CEP41: variants seen among roughly 807,000 people sequenced by gnomAD.
The protein encoded by CEP41 is centrosomal protein 41.
In CEP41, 32 loss-of-function variants were observed where a neutral mutation model predicts 44.3. The ratio of observed to expected loss-of-function variants is 0.72; its 90% CI spans 0.54 to 0.97. CEP41 has a LOEUF of 0.97. Ranked by LOEUF, CEP41 falls within the 50% of genes least tolerant of loss-of-function variation. The probability of loss-of-function intolerance (pLI) is 0.00; values close to 1 mark genes in which losing one functional copy is unlikely to be tolerated. For missense variants in CEP41, 432 were observed against 455.2 expected, an observed-to-expected ratio of 0.95 and a Z score of 0.46; for synonymous variants, 151 against 168.5, an observed-to-expected ratio of 0.90 and a Z score of 0.80.
At chr7:130,399,082 T>C in intron 10 of CEP41, 43 bp from the exon 11 acceptor site, 1 of 1,609,462 alleles carries the variant, frequency 6.2e-7, no homozygotes, top group South Asian at 1.1e-5. Flanking sequence ...CAAGAATGAT[T>C]CCAGGGACAA....
chr7:130,437,789 GA>G (rs1798019022), intron 1 of CEP41, among the ~76,000 whole-genome samples: 1 of 115,422 alleles, frequency 8.7e-6, no homozygotes, highest in South Asian at 2.8e-4. Context: ...AAAAAAAAAA[GA>G]AAAAGAAAAA....
At chr7:130,399,553 C>T in intron 10 of CEP41, 1 of 216,460 alleles carries the variant, frequency 4.6e-6, no homozygotes, top group Non-Finnish European at 9.3e-6. Flanking sequence ...CGTGGTGGCT[C>T]ATGCCTGTAA....
At position 130,400,025 on chromosome 7, in the gene CEP41, T is replaced by A. The variant is rs923663395; in HGVS notation, c.973+14A>T. On this transcript the variant is annotated intron_variant, in intron 10 of 10. Transcript: ENST00000223208. Reference sequence around the variant, plus strand: ...GCAAACCAAACATTATCTTTAAAGGTCAAAAGATCTTACTAGGATGATCTG... The same window carrying A: ...GCAAACCAAACATTATCTTTAAAGGACAAAAGATCTTACTAGGATGATCTG... 2 of 1,544,956 alleles carry A rather than the reference T, an allele frequency of 1.3e-6. No individual in the cohort carries two copies. Among genetic ancestry groups the A allele is most frequent in the Middle Eastern group, 4.5e-4 (2 of 4,416 alleles).
At position 130,396,841 on chromosome 7, in the gene CEP41, T is replaced by A. The variant is rs1244846972; in HGVS notation, c.*2050A>T. The A allele has an allele frequency of 2.2e-6, 1 of 449,154 alleles. No individual in the cohort carries two copies. The highest frequency in any genetic ancestry group is 2.0e-5 in the African/African-American group (1 of 49,734). The allele number at this position is 449,154 out of a possible 1,614,324, so 27.8% of individuals were successfully genotyped here. ...GTGAGTGCACACCAATTCTAACAGG[T>A]CTGGCTGACCTGGCTTTCCACATAT... On this transcript the variant is annotated 3_prime_UTR_variant, in exon 11 of 11. Transcript: ENST00000223208.
At position 130,412,000 on chromosome 7, in the gene CEP41, T is replaced by C. The variant is rs1156741593; in HGVS notation, c.207+179A>G. ...TCTTATCAAAGAAGAGAGAAACATTTCTCACCATCTTCATGTGAACACACA... is the reference window on the plus strand; with the variant it reads ...TCTTATCAAAGAAGAGAGAAACATTCCTCACCATCTTCATGTGAACACACA... On this transcript the variant is annotated intron_variant, in intron 4 of 10. Coordinates refer to ENST00000223208, the MANE Select transcript of CEP41 (RefSeq NM_018718.3). The C allele has an allele frequency of 8.2e-6, 5 of 607,960 alleles. No homozygotes were observed. The Admixed American group carries it at 1.5e-4, about 18-fold the overall frequency. The allele number at this position is 607,960 out of a possible 1,614,324, so 37.7% of individuals were successfully genotyped here.
Position 130,397,447 on chromosome 7 carries a change from T to C in CEP41, c.*1444A>G. On this transcript the variant is annotated 3_prime_UTR_variant, in exon 11 of 11. Coordinates refer to ENST00000223208, the MANE Select transcript of CEP41 (RefSeq NM_018718.3). ...TATTTTTCCATATGTCTCTATGAGATATTTATTACGTTTATTTCTCATACA... is the reference window on the plus strand; with the variant it reads ...TATTTTTCCATATGTCTCTATGAGACATTTATTACGTTTATTTCTCATACA... The C allele has an allele frequency of 4.5e-6, 2 of 439,880 alleles. No homozygotes were observed. The highest frequency in any genetic ancestry group is 9.0e-6 in the Non-Finnish European group (2 of 221,550). The allele number at this position is 439,880 out of a possible 1,614,324, so 27.2% of individuals were successfully genotyped here. A position where few individuals can be genotyped will look rare whatever the true frequency, so the allele number is the denominator to read the frequency against.
chr7:130,437,631 G>C (rs1214852450), intron 1 of CEP41, among the ~76,000 whole-genome samples: 8 of 151,418 alleles, frequency 5.3e-5, no homozygotes, highest in Non-Finnish European at 1.0e-4. Context: ...AAATGAGCTG[G>C]GCACGATGAC....
intron 2 of CEP41, chr7:130,426,687 G>A: frequency 2.2e-6 from 1 of 455,790 alleles, no homozygotes; most frequent in Non-Finnish European, 4.4e-6. Flanking sequence ...GGTTAGATGG[G>A]TAGAGATGAA....
intron 2 of CEP41, chr7:130,419,140 C>T (rs1444002609): frequency 3.0e-6 from 3 of 985,236 alleles, no homozygotes; most frequent in African/African-American, 3.5e-5. Context: ...TATTTGTTTT[C>T]CCCCTAAAGG....
At chr7:130,409,671 A>G (rs188871670) in intron 5 of CEP41, among the ~76,000 whole-genome samples, 5 of 152,338 alleles carry the variant, frequency 3.3e-5, no homozygotes, top group Admixed American at 1.3e-4. Context: ...CCTCTTCAAT[A>G]AACAGCCACA....
At position 130,395,043 on chromosome 7, in the gene CEP41, AAC is replaced by A. The variant is rs1554413955; in HGVS notation, c.*3846_*3847del. Reference sequence around the variant, plus strand: ...ACAATGTGACAGACACCGTTTCGAAAACACATAAAATCATGCACCGAATCCTG... The same window carrying A: ...ACAATGTGACAGACACCGTTTCGAAAACATAAAATCATGCACCGAATCCTG... On this transcript the variant is annotated 3_prime_UTR_variant, in exon 11 of 11. Coordinates refer to ENST00000223208, the MANE Select transcript of CEP41 (RefSeq NM_018718.3). The A allele has an allele frequency of 2.2e-6, 1 of 454,124 alleles. No individual in the cohort carries two copies. Among genetic ancestry groups the A allele is most frequent in the East Asian group, 6.9e-5 (1 of 14,396 alleles). 28.1% of individuals were successfully genotyped at this position (454,124 alleles called of 1,614,324 possible).
At chr7:130,405,217 G>A (rs963671466) in intron 5 of CEP41, among the ~76,000 whole-genome samples, 3 of 152,078 alleles carry the variant, frequency 2.0e-5, no homozygotes, top group Admixed American at 1.3e-4. Context: ...CATACATCAC[G>A]TTTGCTACAT....
At chr7:130,414,496 G>T (rs1237320383) in intron 3 of CEP41, among the ~76,000 whole-genome samples, 3 of 152,122 alleles carry the variant, frequency 2.0e-5, no homozygotes, top group Non-Finnish European at 4.4e-5. Context: ...TATTCTTTTG[G>T]TATGGTTACA....
At chr7:130,436,894 C>T (rs1281040292) in intron 1 of CEP41, among the ~76,000 whole-genome samples, 1 of 152,082 alleles carries the variant, frequency 6.6e-6, no homozygotes, top group Non-Finnish European at 1.5e-5. Context: ...AAAAAATTAG[C>T]TGGGCGTGGT....
At chr7:130,441,295 G>C, upstream of CEP41, 1 of 454,608 alleles carries the variant, frequency 2.2e-6, no homozygotes, top group African/African-American at 2.0e-5. Context: ...AAAGCCGGGG[G>C]CGGGGGCAGT....
At chr7:130,408,828 AG>A (rs1797088380) in intron 5 of CEP41, among the ~76,000 whole-genome samples, 1 of 152,224 alleles carries the variant, frequency 6.6e-6, no homozygotes, top group South Asian at 2.1e-4. Flanking sequence ...ATGCCCAACA[AG>A]AGAATAATTA....
chr7:130,441,272 CT>C, upstream of CEP41: 1 of 331,296 alleles, frequency 3.0e-6, no homozygotes, highest in Admixed American at 4.0e-5. Context: ...GAGGGGAAGG[CT>C]GGCGCCTGCG....
rs117697309 is a variant in CEP41, at chr7:130,402,910, G to A, written c.423-111C>T. On this transcript the variant is annotated intron_variant, in intron 6 of 10. Transcript: ENST00000223208. ...AGTGCTCAATGTCTTTTCAAAGGACGCTTCAAAGGCAAAGGAAAATGGACG... is the reference window on the plus strand; with the variant it reads ...AGTGCTCAATGTCTTTTCAAAGGACACTTCAAAGGCAAAGGAAAATGGACG... 9.7e-4 allele frequency: 1,082 copies of A among 1,121,104 alleles called. 13 individuals carry two copies. The East Asian group carries it at 0.023, about 24-fold the overall frequency. The allele number at this position is 1,121,104 out of a possible 1,614,324, so 69.4% of individuals were successfully genotyped here. A position where few individuals can be genotyped will look rare whatever the true frequency, so the allele number is the denominator to read the frequency against.
chr7:130,437,766 A>T (rs1798012835), intron 1 of CEP41, among the ~76,000 whole-genome samples: 1 of 113,892 alleles, frequency 8.8e-6, no homozygotes, highest in Non-Finnish European at 1.9e-5. Flanking sequence ...GACTGTCTCA[A>T]AAAAAAAAAA....
Sources: allele counts gnomAD v4.1 joint callset (sites outside exome capture counted in the v4.1 genomes callset), GRCh38; gene constraint gnomAD v4.1.1; transcripts MANE v1.5; gene names NCBI Gene and HGNC (gene_info 2026-07-23, HGNC 2026-07-21).